Variants in NCAM2 observed in about 807,000 individuals in gnomAD.
NCAM2 encodes the protein neural cell adhesion molecule 2.
In NCAM2, 30 loss-of-function variants were observed where a neutral mutation model predicts 98.1. The observed-to-expected ratio is 0.31, with a 90% CI of 0.23 to 0.41. The LOEUF (loss-of-function observed/expected upper bound fraction) is 0.41. Among genes scored for constraint, NCAM2 ranks in the 10% least tolerant of loss-of-function variants. The pLI is 1.00. For synonymous variants in NCAM2, 368 were observed against 342.4 expected (o/e 1.07, Z -0.83); for missense variants, 867 against 1,005.8 (o/e 0.86, Z 1.87).
intron 15 of NCAM2, among the ~76,000 whole-genome samples, chr21:21,483,047 G>A (rs233757): frequency 0.27 from 41,626 of 151,568 alleles, 6,824 homozygotes; most frequent in African/African-American, 0.45. Context: ...CTAAACTTCT[G>A]GACTGGATAT....
intron 16 of NCAM2, among the ~76,000 whole-genome samples, chr21:21,520,694 CAAACT>C (rs1988966176): frequency 1.3e-5 from 2 of 152,100 alleles, no homozygotes; most frequent in Non-Finnish European, 2.9e-5. Context: ...GGTGTTAGTG[CAAACT>C]ACCGTCCTGA....
chr21:21,406,872 T>G (rs1350951724), intron 9 of NCAM2, among the ~76,000 whole-genome samples: 2 of 152,158 alleles, frequency 1.3e-5, no homozygotes, highest in African/African-American at 4.8e-5. Flanking sequence ...AAGTTCAAGA[T>G]AAAAATGTTT....
In NCAM2 at chr21:21,240,451, A is replaced by G. The variant is rs1179517233; in HGVS notation, c.56-40127A>G. Among the ~76,000 whole-genome samples, 3 of 151,686 alleles carry G rather than the reference A, an allele frequency of 2.0e-5. No individual in the cohort carries two copies. The East Asian group carries it at 5.8e-4, about 29-fold the overall frequency. The stretch of plus-strand genomic sequence containing the variant: ...AAAAGATGGATTCTTACATAAGATT[A>G]TTGGATATCCAGCCAAAGGGAAGGC... On this transcript the variant is annotated intron_variant, in intron 1 of 17. Coordinates refer to ENST00000400546, the MANE Select transcript of NCAM2 (RefSeq NM_004540.5).
intron 1 of NCAM2, among the ~76,000 whole-genome samples, chr21:21,233,205 C>G (rs1350524039): frequency 5.3e-5 from 8 of 151,474 alleles, no homozygotes; most frequent in East Asian, 1.9e-4. Context: ...TTCTACCTCC[C>G]TCTCCAAGAC....
chr21:21,065,217 A>C (rs1280461457), intron 1 of NCAM2, among the ~76,000 whole-genome samples: 1 of 151,954 alleles, frequency 6.6e-6, no homozygotes, highest in Non-Finnish European at 1.5e-5. Flanking sequence ...AAACAAAACA[A>C]AACAAAAAAA....
chr21:21,412,073 A>G (rs1326261580), intron 10 of NCAM2, among the ~76,000 whole-genome samples: 1 of 152,090 alleles, frequency 6.6e-6, no homozygotes, highest in African/African-American at 2.4e-5. Context: ...ATACTTTAAT[A>G]AAATACTATA....
At chr21:21,408,250 G>A (rs1358130249) in intron 9 of NCAM2, among the ~76,000 whole-genome samples, 2 of 152,092 alleles carry the variant, frequency 1.3e-5, no homozygotes, top group Admixed American at 1.3e-4. Context: ...GCTTACTTTT[G>A]AACTCAGTCA....
intron 1 of NCAM2, among the ~76,000 whole-genome samples, chr21:21,112,722 G>C (rs966761667): frequency 6.6e-6 from 1 of 152,172 alleles, no homozygotes; most frequent in Non-Finnish European, 1.5e-5. Context: ...CAAGCTAAAA[G>C]AACAGTGCAG....
rs1189289998 is a variant in NCAM2 at position 21,241,216 on chromosome 21, C to CA, written c.56-39355dup. On this transcript the variant is annotated intron_variant, in intron 1 of 17. Coordinates refer to ENST00000400546, the MANE Select transcript of NCAM2 (RefSeq NM_004540.5). ...AATGTCAAGAAAAGAACAATGACAA[C>CA]AAAAAAATGGCTTTTTAAAAATATA... Among the ~76,000 whole-genome samples, 6 of 151,754 alleles carry CA rather than the reference C, an allele frequency of 4.0e-5. No homozygotes were observed. In the East Asian group the frequency reaches 5.8e-4, roughly 15 times the overall value.
chr21:21,090,359 T>G (rs1569011966), intron 1 of NCAM2, among the ~76,000 whole-genome samples: 1 of 152,198 alleles, frequency 6.6e-6, no homozygotes, highest in Non-Finnish European at 1.5e-5. Flanking sequence ...ACTGAAAATG[T>G]CAATAGGCCT....
In NCAM2 at chr21:21,335,521, G is replaced by A. The variant is rs1416861874; in HGVS notation, c.754G>A (p.Glu252Lys). ...CTTCTTTAGGAATGGCAAGCTCATT[G>A]AAGAAAATGAGAAGTACATATTGAA... ...ISWFRNGKLIEENEKYILKGS... is the reference protein window; with the variant it reads ...ISWFRNGKLIKENEKYILKGS... The change falls in exon 7 of 18, where the codon GAA becomes AAA. Residue 252 changes from glutamate (E) to lysine (K), a missense_variant. This residue lies in a region of NCAM2 where 447 missense variants were observed against 495.7 expected (regional missense o/e 0.90). Coordinates refer to ENST00000400546, the MANE Select transcript of NCAM2 (RefSeq NM_004540.5). 6.3e-7 allele frequency: 1 copy of A among 1,592,100 alleles called. No homozygotes were observed. Among genetic ancestry groups the A allele is most frequent in the Non-Finnish European group, 8.5e-7 (1 of 1,170,592 alleles).
At chr21:21,046,631 T>C (rs2065011726) in intron 1 of NCAM2, among the ~76,000 whole-genome samples, 1 of 152,224 alleles carries the variant, frequency 6.6e-6, no homozygotes, top group South Asian at 2.1e-4. Flanking sequence ...TGGCGTCACC[T>C]CTTGGTTCAG....
intron 16 of NCAM2, among the ~76,000 whole-genome samples, chr21:21,520,829 A>T (rs1988974596): frequency 6.6e-6 from 1 of 152,124 alleles, no homozygotes; most frequent in Non-Finnish European, 1.5e-5. Flanking sequence ...AATGTTATTG[A>T]TGAATTGGTA....
chr21:21,184,781 A>T (rs2068585720), intron 1 of NCAM2, among the ~76,000 whole-genome samples: 1 of 152,170 alleles, frequency 6.6e-6, no homozygotes, highest in South Asian at 2.1e-4. Context: ...TGAACCTCTA[A>T]TGAAATGAAT....
intron 11 of NCAM2, among the ~76,000 whole-genome samples, chr21:21,430,956 G>A (rs552580352): frequency 6.7e-6 from 1 of 148,410 alleles, no homozygotes; most frequent in Non-Finnish European, 1.5e-5. Flanking sequence ...TGAAGCAGGA[G>A]AATGGCATGA....
chr21:21,434,030 A>G (rs1236031763), intron 12 of NCAM2, among the ~76,000 whole-genome samples: 1 of 152,204 alleles, frequency 6.6e-6, no homozygotes, highest in African/African-American at 2.4e-5. Context: ...GCAAAGGTGC[A>G]GCACGATGGA....
At chr21:21,419,694 CA>C (rs2077071593) in intron 11 of NCAM2, among the ~76,000 whole-genome samples, 1 of 151,960 alleles carries the variant, frequency 6.6e-6, no homozygotes. Flanking sequence ...ATGAACTCTT[CA>C]TTTTTTATGG....
intron 1 of NCAM2, among the ~76,000 whole-genome samples, chr21:21,089,627 T>C (rs1418382059): frequency 6.6e-6 from 1 of 152,144 alleles, no homozygotes; most frequent in Non-Finnish European, 1.5e-5. Context: ...AAGCAACTGC[T>C]CTCTGCTTTC....
intron 8 of NCAM2, among the ~76,000 whole-genome samples, chr21:21,373,614 C>A (rs2075968665): frequency 6.6e-6 from 1 of 151,554 alleles, no homozygotes; most frequent in Non-Finnish European, 1.5e-5. Flanking sequence ...TGTTTGGAGT[C>A]ATTGAAATGC....
Sources: allele counts gnomAD v4.1 joint callset (sites outside exome capture counted in the v4.1 genomes callset), GRCh38; gene constraint gnomAD v4.1.1; regional missense constraint gnomAD v4.1.1; transcripts MANE v1.5; gene names NCBI Gene and HGNC (gene_info 2026-07-23, HGNC 2026-07-21).